Variants in GNAQ observed in about 807,000 individuals in gnomAD.
GNAQ encodes the protein G protein subunit alpha q.
GNAQ carries 8 observed loss-of-function variants against 43.9 expected under a neutral mutation model. The observed-to-expected ratio is 0.18, with a 90% confidence interval of 0.11 to 0.33. The LOEUF (loss-of-function observed/expected upper bound fraction) is 0.33. GNAQ is among the 10% of genes least tolerant of loss of function. The pLI is 1.00. For synonymous variants in GNAQ, 155 were observed against 170.7 expected (o/e 0.91, Z 0.71); for missense variants, 158 against 450.8 (o/e 0.35, Z 5.88).
intron 5 of GNAQ, among the ~76,000 whole-genome samples, chr9:77,786,973 T>C (rs983620486): frequency 1.1e-4 from 16 of 152,132 alleles, no homozygotes; most frequent in African/African-American, 3.9e-4. Context: ...AATTGTGGAA[T>C]TTTCATGCAA....
intron 1 of GNAQ, among the ~76,000 whole-genome samples, chr9:78,010,649 C>A (rs746617138): frequency 6.6e-6 from 1 of 152,114 alleles, no homozygotes; most frequent in Non-Finnish European, 1.5e-5. Context: ...AAAACAGCAA[C>A]TTCCTTTCTA....
At chr9:77,805,693 C>T (rs560162139) in intron 3 of GNAQ, among the ~76,000 whole-genome samples, 1 of 152,158 alleles carries the variant, frequency 6.6e-6, no homozygotes, top group Admixed American at 6.5e-5. Context: ...CATGAGCCAC[C>T]GCACCCGGCC....
chr9:77,948,517 G>A (rs545341664), intron 1 of GNAQ, among the ~76,000 whole-genome samples: 3 of 151,828 alleles, frequency 2.0e-5, no homozygotes, highest in African/African-American at 7.3e-5. Flanking sequence ...AGGACACAGA[G>A]GGGGGGCAGA....
At chr9:77,887,999 G>C (rs909874676) in intron 2 of GNAQ, among the ~76,000 whole-genome samples, 3 of 152,106 alleles carry the variant, frequency 2.0e-5, no homozygotes, top group African/African-American at 7.2e-5. Context: ...ACCCTTGAAG[G>C]GGGTACGGGA....
chr9:77,749,607 T>C lies in GNAQ; in HGVS notation c.736-20940A>G, dbSNP rs148520085. 3.7e-3 allele frequency among the ~76,000 whole-genome samples: 565 copies of C among 152,286 alleles called. 1 individual carries two copies. The highest frequency in any genetic ancestry group is 0.012 in the African/African-American group (512 of 41,546). ...GACTTGGATGGGTCTTCCAGGACAA[T>C]AGGTGAAGGGTTAATTCCACATACT... On this transcript the variant is annotated intron_variant, in intron 5 of 6. Transcript: ENST00000286548.
At chr9:77,935,390 G>C (rs1177331872) in intron 1 of GNAQ, among the ~76,000 whole-genome samples, 1 of 152,030 alleles carries the variant, frequency 6.6e-6, no homozygotes, top group South Asian at 2.1e-4. Flanking sequence ...ATCCAACTAC[G>C]TCATAAAGAG....
At chr9:77,964,466 T>C (rs11145635) in intron 1 of GNAQ, among the ~76,000 whole-genome samples, 19,951 of 152,134 alleles carry the variant, frequency 0.13, 1,562 homozygotes, top group East Asian at 0.32. Flanking sequence ...CATAGGCTGC[T>C]TTCCCAACAA....
chr9:77,876,333 C>T (rs1259273401), intron 2 of GNAQ, among the ~76,000 whole-genome samples: 5 of 152,186 alleles, frequency 3.3e-5, no homozygotes, highest in Non-Finnish European at 5.9e-5. Context: ...AGCCAGGCCT[C>T]GGTTAACTTT....
At chr9:77,817,952 T>C (rs1827047040) in intron 2 of GNAQ, among the ~76,000 whole-genome samples, 1 of 152,004 alleles carries the variant, frequency 6.6e-6, no homozygotes, top group African/African-American at 2.4e-5. Context: ...TTTTAAAAAC[T>C]GTGACTGCTG....
At position 77,719,030 on chromosome 9, in the gene GNAQ, G is replaced by T. The variant is rs1229622058; in HGVS notation, c.*2293C>A. 4.3e-6 allele frequency: 1 copy of T among 230,832 alleles called. No homozygotes were observed. The highest frequency in any genetic ancestry group is 6.1e-5 in the East Asian group (1 of 16,398). The allele number at this position is 230,832 out of a possible 1,614,324, so 14.3% of individuals were successfully genotyped here. A position where few individuals can be genotyped will look rare whatever the true frequency, so the allele number is the denominator to read the frequency against. Reference sequence around the variant, plus strand: ...GTATTTTGCTATGAAATTACCTTTGGGTCTTATAATCAGTATACCTCTACT... The same window carrying T: ...GTATTTTGCTATGAAATTACCTTTGTGTCTTATAATCAGTATACCTCTACT... On this transcript the variant is annotated 3_prime_UTR_variant, in exon 7 of 7. Coordinates refer to ENST00000286548, the MANE Select transcript of GNAQ (RefSeq NM_002072.5).
At chr9:78,007,974 G>A (rs1205552547) in intron 1 of GNAQ, among the ~76,000 whole-genome samples, 1 of 152,202 alleles carries the variant, frequency 6.6e-6, no homozygotes, top group African/African-American at 2.4e-5. Flanking sequence ...TAATTCTCAT[G>A]AGCAAGAGAG....
At chr9:78,005,871 A>C (rs1823700175) in intron 1 of GNAQ, among the ~76,000 whole-genome samples, 1 of 152,238 alleles carries the variant, frequency 6.6e-6, no homozygotes, top group Non-Finnish European at 1.5e-5. Flanking sequence ...GTATTACAAG[A>C]AAGCAAAATG....
chr9:77,897,244 T>C (rs1390035174), intron 2 of GNAQ, among the ~76,000 whole-genome samples: 1 of 151,736 alleles, frequency 6.6e-6, no homozygotes, highest in East Asian at 1.9e-4. Flanking sequence ...CTCAGCTTAT[T>C]TTCTTTGTCA....
chr9:77,862,071 G>C (rs942270018), intron 2 of GNAQ, among the ~76,000 whole-genome samples: 58 of 149,982 alleles, frequency 3.9e-4, no homozygotes, highest in African/African-American at 1.3e-3. Context: ...CTGCCGTTCT[G>C]CCCCTGTGGC....
intron 5 of GNAQ, among the ~76,000 whole-genome samples, chr9:77,729,369 T>C (rs1423142981): frequency 1.3e-5 from 2 of 152,164 alleles, no homozygotes; most frequent in East Asian, 3.9e-4. Context: ...TGAGTAAGTG[T>C]TCTCACCTGA....
At chr9:77,967,007 T>A (rs1400320751) in intron 1 of GNAQ, among the ~76,000 whole-genome samples, 3 of 152,216 alleles carry the variant, frequency 2.0e-5, no homozygotes, top group African/African-American at 7.2e-5. Context: ...ACAGTCTTTC[T>A]CAGAAACTCA....
At chr9:77,734,172 A>T (rs1381575290) in intron 5 of GNAQ, among the ~76,000 whole-genome samples, 1 of 152,234 alleles carries the variant, frequency 6.6e-6, no homozygotes, top group Non-Finnish European at 1.5e-5. Flanking sequence ...AAAAGTCAGC[A>T]TTAAACTAGA....
chr9:77,914,229 T>C (rs1180316521), intron 2 of GNAQ, among the ~76,000 whole-genome samples: 1 of 152,086 alleles, frequency 6.6e-6, no homozygotes, highest in South Asian at 2.1e-4. Flanking sequence ...TGAAAGTTGA[T>C]ATAGTTACCA....
intron 5 of GNAQ, among the ~76,000 whole-genome samples, chr9:77,785,644 C>T (rs991278975): frequency 2.0e-5 from 3 of 152,090 alleles, no homozygotes; most frequent in East Asian, 1.9e-4. Flanking sequence ...CATGTATATG[C>T]CAATAAAAAC....
Sources: gnomAD v4.1 joint callset for allele counts (sites outside exome capture counted in the v4.1 genomes callset) on GRCh38, gnomAD v4.1.1 for gene constraint, MANE v1.5 for transcripts, NCBI Gene and HGNC (gene_info 2026-07-23, HGNC 2026-07-21) for gene names.